Variants in CANX observed in about 807,000 individuals in gnomAD.
CANX encodes the protein epididymis secretory sperm binding protein.
Under a neutral mutation model 75.7 loss-of-function variants are expected in CANX, and 14 were observed. The observed-to-expected ratio is 0.19, with a 90% CI of 0.12 to 0.29. The LOEUF is 0.29. CANX is among the 10% of genes least tolerant of loss of function. CANX has a pLI of 1.00. For synonymous variants in CANX, 227 were observed against 236.9 expected (o/e 0.96, Z 0.38); for missense variants, 567 against 713.2 (o/e 0.79, Z 2.34).
At chr5:179,679,250 G>A (rs774168471) in intron 1 of CANX, 3 of 1,526,222 alleles carry the variant, frequency 2.0e-6, no homozygotes, top group South Asian at 1.2e-5. Context: ...TGATGAAGGC[G>A]AGCCAGGGGG....
At chr5:179,703,736 G>C (rs1451418133) in intron 1 of CANX, among the ~76,000 whole-genome samples, 2 of 152,038 alleles carry the variant, frequency 1.3e-5, no homozygotes, top group Admixed American at 6.6e-5. Context: ...AGATTCCTGG[G>C]GGAATAGCAT....
At chr5:179,696,719 AAC>A (rs1562447106), upstream of CANX, among the ~76,000 whole-genome samples, 1 of 152,196 alleles carries the variant, frequency 6.6e-6, no homozygotes, top group Non-Finnish European at 1.5e-5. Context: ...TATGAAAGGA[AAC>A]ACACCTTTCT....
At position 179,724,707 on chromosome 5, in the gene CANX, T is replaced by C. The variant is rs1778535132; in HGVS notation, c.1569T>C (p.Asp523=). The change falls in exon 13 of 15, where the codon GAT becomes GAC. Residue 523 remains aspartate (D), a synonymous_variant. Coordinates refer to ENST00000247461, the MANE Select transcript of CANX (RefSeq NM_001746.4). The stretch of plus-strand genomic sequence containing the variant: ...AGAAAACTGATGCACCTCAACCGGA[T>C]GTGAAGGAAGAGGAAGAAGAGAAGG... The part of the protein sequence containing the change: ...EYKKTDAPQP[D]VKEEEEEKEE... 6.2e-7 allele frequency: 1 copy of C among 1,611,920 alleles called. No individual in the cohort carries two copies. The highest frequency in any genetic ancestry group is 8.5e-7 in the Non-Finnish European group (1 of 1,178,456).
intron 7 of CANX, among the ~76,000 whole-genome samples, chr5:179,714,224 C>T (rs1237299549): frequency 6.6e-6 from 1 of 152,206 alleles, no homozygotes; most frequent in African/African-American, 2.4e-5. Context: ...TGGTCTCGAA[C>T]TCCCAACCTC....
chr5:179,691,978 C>T (rs1181557012), intron 1 of CANX, among the ~76,000 whole-genome samples: 1 of 151,356 alleles, frequency 6.6e-6, no homozygotes, highest in Non-Finnish European at 1.5e-5. Flanking sequence ...GACGGGATTT[C>T]ACCATGTTAG....
chr5:179,707,169 G>A lies in CANX; in HGVS notation c.283G>A (p.Asp95Asn). ...CAAAGCCAAGAAAGACGATACCGAT[G>A]ATGAAATTGCCAAATATGATGGTGA... ...LSKAKKDDTDDEIAKYDGKWE... is the reference protein window; with the variant it reads ...LSKAKKDDTDNEIAKYDGKWE... The change falls in exon 4 of 15, where the codon GAT becomes AAT. Residue 95 changes from aspartate (D) to asparagine (N), a missense_variant. Physicochemically the swap from Asp to Asn is conservative, Grantham distance 23 (BLOSUM62 1). Transcript: ENST00000247461. The A allele has an allele frequency of 1.3e-6, 2 of 1,597,182 alleles. No individual in the cohort carries two copies. The highest frequency in any genetic ancestry group is 2.2e-5 in the South Asian group (2 of 90,762).
At position 179,720,468 on chromosome 5, in the gene CANX, C is replaced by T. The variant is rs920342866; in HGVS notation, c.1090C>T (p.Pro364Ser). ...QIANPRCESA[P>S]GCGVWQRPVI... ...TGCCAACCCTAGATGTGAGTCAGCT[C>T]CTGGATGTGGTGTCTGGCAGCGACC... The change falls in exon 10 of 15, where the codon CCT (proline) becomes TCT (serine). Residue 364 changes from proline to serine, a missense_variant. This residue lies in a region of CANX where 49 missense variants were observed against 100.1 expected (regional missense o/e 0.49). Transcript: ENST00000247461. The T allele has an allele frequency of 1.2e-6, 2 of 1,613,816 alleles. No homozygotes were observed. The highest frequency in any genetic ancestry group is 1.7e-6 in the Non-Finnish European group (2 of 1,179,826).
Position 179,723,721 on chromosome 5 carries a change from A to G in CANX, c.1460A>G (p.Tyr487Cys), listed in dbSNP as rs1333848216. 7 of 1,613,368 alleles carry G rather than the reference A, an allele frequency of 4.3e-6. No individual in the cohort carries two copies. The highest frequency in any genetic ancestry group is 1.3e-5 in the African/African-American group (1 of 74,798). Reference sequence around the variant, plus strand: ...GAGCGCCCGTGGCTGTGGGTAGTCTATATTCTAACTGTAGCCCTTCCTGTG... The same window carrying G: ...GAGCGCCCGTGGCTGTGGGTAGTCTGTATTCTAACTGTAGCCCTTCCTGTG... ...AEERPWLWVVYILTVALPVFL... is the reference protein window; with the variant it reads ...AEERPWLWVVCILTVALPVFL... Residue 487 changes from tyrosine (Y) to cysteine (C), a missense_variant, in exon 12 of 15, where the codon TAT becomes TGT. This residue lies in a region of CANX where 167 missense variants were observed against 179.3 expected (regional missense o/e 0.93). Transcript: ENST00000247461.
At chr5:179,681,601 C>T (rs1776066712) in intron 1 of CANX, among the ~76,000 whole-genome samples, 1 of 152,104 alleles carries the variant, frequency 6.6e-6, no homozygotes, top group African/African-American at 2.4e-5. Flanking sequence ...TTGTACCCTC[C>T]TTCTACATGT....
rs147444300 is a variant in CANX at position 179,692,069 on chromosome 5, C to G, written c.-4+13292C>G. 2.1e-5 allele frequency among the ~76,000 whole-genome samples: 3 copies of G among 146,190 alleles called. No individual in the cohort carries two copies. In the South Asian group the frequency reaches 6.5e-4, roughly 32 times the overall value. ...TGCTGGGATAACAGGCGTGAGCCAC[C>G]GTGCCCGGCCTATTTTTTTTTTTGA... On this transcript the variant is annotated intron_variant, in intron 1 of 14. Transcript: ENST00000681674.
At chr5:179,722,055 G>A (rs1778343387) in intron 10 of CANX, among the ~76,000 whole-genome samples, 1 of 152,130 alleles carries the variant, frequency 6.6e-6, no homozygotes, top group Admixed American at 6.6e-5. Context: ...TTTAGGCTGG[G>A]CGTAGTGGCT....
At chr5:179,690,970 T>C (rs562322519) in intron 1 of CANX, among the ~76,000 whole-genome samples, 31 of 152,326 alleles carry the variant, frequency 2.0e-4, no homozygotes, top group African/African-American at 6.7e-4. Context: ...TGGTTTTATA[T>C]TGATATGAGC....
At chr5:179,694,316 G>C (rs1212892964), upstream of CANX, 3 of 538,610 alleles carry the variant, frequency 5.6e-6, no homozygotes, top group Non-Finnish European at 1.0e-5. Flanking sequence ...AATTTTCCAA[G>C]AAGTGCTCTG....
At chr5:179,728,103 C>T (rs979466200) in intron 14 of CANX, among the ~76,000 whole-genome samples, 5 of 152,152 alleles carry the variant, frequency 3.3e-5, no homozygotes, top group South Asian at 2.1e-4. Flanking sequence ...CTCCCTCACA[C>T]GTTAAAAAGT....
chr5:179,705,016 G>A (rs904931566), intron 1 of CANX, among the ~76,000 whole-genome samples: 4 of 150,924 alleles, frequency 2.7e-5, no homozygotes, highest in East Asian at 3.9e-4. Flanking sequence ...TTTTTGAGAC[G>A]AACTCTTGCT....
At chr5:179,725,912 C>A (rs529771318) in intron 13 of CANX, among the ~76,000 whole-genome samples, 28 of 144,460 alleles carry the variant, frequency 1.9e-4, no homozygotes, top group Non-Finnish European at 3.6e-4. Flanking sequence ...CACTTGAACC[C>A]GGAAGGCAGA....
intron 14 of CANX, among the ~76,000 whole-genome samples, chr5:179,728,050 C>T (rs150863965): frequency 4.8e-4 from 73 of 152,298 alleles, no homozygotes; most frequent in Non-Finnish European, 8.7e-4. Flanking sequence ...TCTGTCTTAA[C>T]TAGAATGCAA....
intron 1 of CANX, among the ~76,000 whole-genome samples, chr5:179,690,576 C>CAAA (rs58874777): frequency 3.3e-5 from 2 of 59,836 alleles, no homozygotes; most frequent in Non-Finnish European, 6.3e-5. Context: ...GACTTCATCT[C>CAAA]AAAAAAAAAA....
At chr5:179,692,767 C>T (rs1000719535) in intron 1 of CANX, among the ~76,000 whole-genome samples, 3 of 152,234 alleles carry the variant, frequency 2.0e-5, no homozygotes, top group African/African-American at 7.2e-5. Flanking sequence ...CTGCCTGCCT[C>T]GGCCTCCCAA....
Sources: allele counts gnomAD v4.1 joint callset (sites outside exome capture counted in the v4.1 genomes callset), GRCh38; gene constraint gnomAD v4.1.1; regional missense constraint gnomAD v4.1.1; transcripts MANE v1.5; gene names NCBI Gene and HGNC (gene_info 2026-07-23, HGNC 2026-07-21).